NBN: variants seen among roughly 807,000 people sequenced by gnomAD.
The protein encoded by NBN is nibrin.
Under a neutral mutation model 90.8 loss-of-function variants are expected in NBN, and 88 were observed. That is an observed-to-expected ratio of 0.97 (90% CI 0.82 to 1.16). The LOEUF (loss-of-function observed/expected upper bound fraction) is 1.16, where lower values mean the gene tolerates loss of function less well. Among genes scored for constraint, NBN ranks in the 50% most tolerant of loss-of-function variants. NBN has a pLI of 0.00. For synonymous variants in NBN, 328 were observed against 295.1 expected (o/e 1.11, Z -1.14); for missense variants, 894 against 869.6 (o/e 1.03, Z -0.35).
chr8:89,981,749 G>A (rs1224889240), intron 2 of NBN: 1 of 558,332 alleles, frequency 1.8e-6, no homozygotes, highest in Non-Finnish European at 3.1e-6. Context: ...GAACACACAT[G>A]TTCTTTATTT....
rs180870046 is a variant in NBN at position 89,939,235 on chromosome 8, G to A, written c.2185-2160C>T. 1.9e-4 allele frequency among the ~76,000 whole-genome samples: 26 copies of A among 137,880 alleles called. No homozygotes were observed. The East Asian group carries it at 5.1e-3, about 27-fold the overall frequency. The allele number at this position is 137,880 out of a possible 152,430, so 90.5% of individuals were successfully genotyped here. A position where few individuals can be genotyped will look rare whatever the true frequency, so the allele number is the denominator to read the frequency against. The stretch of plus-strand genomic sequence containing the variant: ...AAAAGAAAAATAGGGAGGGAATATA[G>A]AAAAAGAATAGCTGCAGCAAACAGG... On this transcript the variant is annotated intron_variant, in intron 14 of 15. Transcript: ENST00000265433.
chr8:89,945,602 A>G (rs1296054300), intron 13 of NBN, among the ~76,000 whole-genome samples: 1 of 152,196 alleles, frequency 6.6e-6, no homozygotes, highest in African/African-American at 2.4e-5. Flanking sequence ...TAAGACAACA[A>G]AAGAATACCT....
intron 4 of NBN, among the ~76,000 whole-genome samples, chr8:89,979,122 C>T (rs1038850751): frequency 1.3e-5 from 2 of 152,122 alleles, no homozygotes; most frequent in Non-Finnish European, 2.9e-5. Context: ...GGACTACAGG[C>T]ACATGCCACC....
chr8:89,980,776 T>A lies in NBN; in HGVS notation c.438A>T (p.Glu146Asp). Residue 146 changes from glutamate (E) to aspartate (D), a missense_variant, in exon 4 of 16, where the codon GAA becomes GAT. Glu to Asp is a conservative substitution (Grantham distance 45). Coordinates refer to ENST00000265433, the MANE Select transcript of NBN (RefSeq NM_002485.5). ...GGFTVNNWTE[E>D]CTHLVMVSVK... ...CTGATACCATGACAAGGTGAGTGCA[T>A]TCTTCTGTCCAATTGTTTACAGTAA... The A allele has an allele frequency of 6.2e-7, 1 of 1,613,616 alleles. No homozygotes were observed. The highest frequency in any genetic ancestry group is 8.5e-7 in the Non-Finnish European group (1 of 1,179,686).
intron 8 of NBN, among the ~76,000 whole-genome samples, chr8:89,964,007 C>G (rs755851195): frequency 2.0e-5 from 3 of 152,142 alleles, no homozygotes; most frequent in Non-Finnish European, 4.4e-5. Flanking sequence ...TCCCATCATT[C>G]AGGACACATG....
chr8:89,974,647 G>GTACAAA (rs1280776730), intron 5 of NBN, among the ~76,000 whole-genome samples: 1 of 152,168 alleles, frequency 6.6e-6, no homozygotes, highest in Admixed American at 6.5e-5. Flanking sequence ...ACAGTGAAAG[G>GTACAAA]TACATACAGT....
intron 5 of NBN, among the ~76,000 whole-genome samples, chr8:89,972,311 T>C (rs2129846798): frequency 6.6e-6 from 1 of 152,366 alleles, no homozygotes; most frequent in East Asian, 1.9e-4. Context: ...AACTGATGCA[T>C]GTATTTTAAT....
At chr8:89,943,548 T>C (rs1322274781) in intron 13 of NBN, among the ~76,000 whole-genome samples, 182 bp from the exon 14 acceptor site, 1 of 152,194 alleles carries the variant, frequency 6.6e-6, no homozygotes, top group Non-Finnish European at 1.5e-5. Context: ...CCTTCTTTTA[T>C]AGCTATTACT....
chr8:89,934,123 T>G lies in NBN; in HGVS notation c.*1459A>C, dbSNP rs1809556942. ...AATATTAATCTGTCCATTATATTCC[T>G]TAACTGTAAAATGGAGACCATATGT... On this transcript the variant is annotated 3_prime_UTR_variant, in exon 16 of 16. Transcript: ENST00000265433. 1.7e-5 allele frequency: 4 copies of G among 230,366 alleles called. No homozygotes were observed. Among genetic ancestry groups the G allele is most frequent in the Admixed American group, 5.7e-5 (1 of 17,682 alleles). The allele number at this position is 230,366 out of a possible 1,614,324, so 14.3% of individuals were successfully genotyped here. A position where few individuals can be genotyped will look rare whatever the true frequency, so the allele number is the denominator to read the frequency against.
chr8:89,943,847 T>C (rs1810064144), intron 13 of NBN, among the ~76,000 whole-genome samples: 2 of 152,146 alleles, frequency 1.3e-5, no homozygotes, highest in Admixed American at 6.5e-5. Context: ...TAATTGATAT[T>C]TTAATTGTTT....
intron 5 of NBN, among the ~76,000 whole-genome samples, chr8:89,972,528 T>C (rs1811564598): frequency 6.6e-6 from 1 of 152,236 alleles, no homozygotes; most frequent in African/African-American, 2.4e-5. Context: ...GAAACTATTT[T>C]AACTGTTAAC....
At chr8:89,964,188 T>C (rs1417183375) in intron 8 of NBN, among the ~76,000 whole-genome samples, 3 of 152,218 alleles carry the variant, frequency 2.0e-5, no homozygotes, top group African/African-American at 7.2e-5. Context: ...ATAAAGTTTA[T>C]AATAACAAGG....
At chr8:89,979,536 T>A (rs1563576476) in intron 4 of NBN, among the ~76,000 whole-genome samples, 1 of 151,392 alleles carries the variant, frequency 6.6e-6, no homozygotes, top group Non-Finnish European at 1.5e-5. Flanking sequence ...TTGTTGTTGT[T>A]GTTGTTGTTG....
chr8:89,971,267 G>A lies in NBN; in HGVS notation c.608C>T (p.Pro203Leu). The A allele has an allele frequency of 6.2e-7, 1 of 1,612,440 alleles. No individual in the cohort carries two copies. The highest frequency in any genetic ancestry group is 8.5e-7 in the Non-Finnish European group (1 of 1,179,110). The change falls in exon 6 of 16, where the codon CCA becomes CTA. Residue 203 changes from proline (P) to leucine (L), a missense_variant. Physicochemically the swap from Pro to Leu is moderately conservative, Grantham distance 98. Transcript: ENST00000265433. ...IESFYPPLDE[P>L]SIGSKNVDLS... Reference sequence around the variant, plus strand: ...ATCAACATTTTTACTTCCAATAGATGGTTCATCAAGAGGTGGGTAAAAACT... The same window carrying A: ...ATCAACATTTTTACTTCCAATAGATAGTTCATCAAGAGGTGGGTAAAAACT...
chr8:89,965,349 T>G (rs1015273996), intron 7 of NBN, among the ~76,000 whole-genome samples: 1 of 152,228 alleles, frequency 6.6e-6, no homozygotes, highest in African/African-American at 2.4e-5. Context: ...AGGAATCTTA[T>G]GGTGAACCTA....
chr8:89,936,053 T>C (rs1193701561), intron 15 of NBN: 2 of 379,784 alleles, frequency 5.3e-6, no homozygotes, highest in Non-Finnish European at 1.0e-5. Flanking sequence ...CCCATCTCAT[T>C]TGACTAATGA....
intron 7 of NBN, among the ~76,000 whole-genome samples, chr8:89,964,784 A>C (rs1484716433): frequency 7.2e-5 from 11 of 152,198 alleles, no homozygotes; most frequent in African/African-American, 2.4e-4. Flanking sequence ...TTTTTGGAAT[A>C]AAAAGAATAC....
chr8:89,965,803 T>C (rs553420409), intron 7 of NBN, among the ~76,000 whole-genome samples: 2 of 152,272 alleles, frequency 1.3e-5, no homozygotes, highest in East Asian at 3.9e-4. Context: ...ATATTTTAAA[T>C]GGTTAGTTCG....
intron 11 of NBN, among the ~76,000 whole-genome samples, chr8:89,948,811 A>C (rs1810315771): frequency 6.6e-6 from 1 of 152,180 alleles, no homozygotes; most frequent in African/African-American, 2.4e-5. Flanking sequence ...TTGTTATCAC[A>C]ATCAGAACAT....
Sources: allele counts gnomAD v4.1 joint callset (sites outside exome capture counted in the v4.1 genomes callset), GRCh38; gene constraint gnomAD v4.1.1; transcripts MANE v1.5; gene names NCBI Gene and HGNC (gene_info 2026-07-23, HGNC 2026-07-21).